FILIP1L: variants seen among roughly 807,000 people sequenced by gnomAD.
The protein encoded by FILIP1L is filamin A-interacting protein 1-like.
FILIP1L carries 55 observed loss-of-function variants against 96.6 expected under a neutral mutation model. That is an observed-to-expected ratio of 0.57 (90% CI 0.46 to 0.71). FILIP1L has a LOEUF of 0.71. Among genes scored for constraint, FILIP1L ranks in the 30% least tolerant of loss-of-function variants. FILIP1L has a pLI of 0.00. For missense variants in FILIP1L, 1,304 were observed against 1,321.2 expected (o/e 0.99, Z 0.20); for synonymous variants, 467 against 473.9 (o/e 0.99, Z 0.19).
chr3:100,058,931 C>A (rs1033104130), intron 1 of FILIP1L, among the ~76,000 whole-genome samples: 2 of 152,184 alleles, frequency 1.3e-5, no homozygotes, highest in Non-Finnish European at 2.9e-5. Flanking sequence ...AGCAAAGGGG[C>A]AGTTTGGACA....
intron 1 of FILIP1L, among the ~76,000 whole-genome samples, chr3:100,058,745 G>T (rs144146179): frequency 6.6e-6 from 1 of 152,328 alleles, no homozygotes; most frequent in African/African-American, 2.4e-5. Flanking sequence ...AGGCTTTTCA[G>T]TAGAAGGAGG....
rs1415024458 is a variant in FILIP1L at position 100,002,155 on chromosome 3, T to A, written c.-10-71125A>T. Among the ~76,000 whole-genome samples the A allele has an allele frequency of 7.2e-5, 11 of 152,350 alleles. No individual in the cohort carries two copies. In the East Asian group the frequency reaches 1.9e-3, roughly 27 times the overall value. ...CTCCTGTACAGACCTGTGTCTCTAATGAATTCTTCTTTATTTGGAGCTGAT... is the reference window on the plus strand; with the variant it reads ...CTCCTGTACAGACCTGTGTCTCTAAAGAATTCTTCTTTATTTGGAGCTGAT... On this transcript the variant is annotated intron_variant, in intron 1 of 5. Coordinates refer to ENST00000477258, the MANE Select transcript of FILIP1L (RefSeq NM_001387850.1).
At chr3:100,059,251 C>G (rs2065518181) in intron 1 of FILIP1L, among the ~76,000 whole-genome samples, 1 of 152,178 alleles carries the variant, frequency 6.6e-6, no homozygotes, top group African/African-American at 2.4e-5. Flanking sequence ...AATACAATGC[C>G]TCTTAATTTT....
intron 1 of FILIP1L, among the ~76,000 whole-genome samples, chr3:100,100,166 A>C (rs1486611053): frequency 2.6e-5 from 4 of 152,060 alleles, no homozygotes; most frequent in Non-Finnish European, 4.4e-5. Flanking sequence ...CAATGCTGCC[A>C]CTCAGATTTT....
rs756746071 is a variant in FILIP1L at position 99,849,331 on chromosome 3, C to T, written c.2345G>A (p.Arg782Lys). 1 of 1,614,126 alleles carries T rather than the reference C, an allele frequency of 6.2e-7. No individual in the cohort carries two copies. Among genetic ancestry groups the T allele is most frequent in the South Asian group, 1.1e-5 (1 of 91,084 alleles). ...AATTCTTCTTCCATTGAGACTAGGC[C>T]TGAGGCTCTTACTGAAATGCCGGTA... Reference protein sequence around the residue: ...ERYRHFSKSLRPSLNGRRISD... With the variant: ...ERYRHFSKSLKPSLNGRRISD... The change falls in exon 5 of 6, where the codon AGG becomes AAG. Residue 782 changes from arginine (R) to lysine (K), a missense_variant. Physicochemically the swap from Arg to Lys is conservative, Grantham distance 26. Coordinates refer to ENST00000477258, the MANE Select transcript of FILIP1L (RefSeq NM_001387850.1).
intron 1 of FILIP1L, among the ~76,000 whole-genome samples, chr3:100,046,985 T>G (rs990660354): frequency 1.4e-4 from 22 of 152,190 alleles, no homozygotes; most frequent in African/African-American, 5.3e-4. Flanking sequence ...GTTATTTAAG[T>G]AAATATAATA....
At chr3:99,860,185 G>C (rs1576521803) in intron 4 of FILIP1L, among the ~76,000 whole-genome samples, 1 of 152,164 alleles carries the variant, frequency 6.6e-6, no homozygotes, top group East Asian at 1.9e-4. Context: ...CCTTCATTGT[G>C]AAATAAGAAT....
intron 1 of FILIP1L, among the ~76,000 whole-genome samples, chr3:99,983,163 T>C (rs1187838731): frequency 1.3e-5 from 2 of 151,818 alleles, no homozygotes; most frequent in South Asian, 2.1e-4. Context: ...TGAAAAAAAA[T>C]TTCTCAGGGA....
intron 1 of FILIP1L, among the ~76,000 whole-genome samples, chr3:100,076,073 G>A (rs1308321299): frequency 1.3e-5 from 2 of 152,242 alleles, no homozygotes; most frequent in African/African-American, 2.4e-5. Flanking sequence ...TTTGGGCAGG[G>A]CTGATGCTTC....
At chr3:99,987,331 C>T (rs2107117476) in intron 1 of FILIP1L, among the ~76,000 whole-genome samples, 1 of 151,656 alleles carries the variant, frequency 6.6e-6, no homozygotes, top group East Asian at 1.9e-4. Flanking sequence ...GAGTTCAAGA[C>T]CAGCTTGGGC....
At position 99,923,467 on chromosome 3, in the gene FILIP1L, C is replaced by A. The variant is rs1229367158; in HGVS notation, c.605+763G>T. Among the ~76,000 whole-genome samples the A allele has an allele frequency of 2.0e-5, 3 of 152,176 alleles. No homozygotes were observed. The South Asian group carries it at 6.2e-4, about 32-fold the overall frequency. Reference sequence around the variant, plus strand: ...CCATATTTCATATGTTCCTGAATAGCCAGGAGTGCTTCTCAGTAACTCCTT... The same window carrying A: ...CCATATTTCATATGTTCCTGAATAGACAGGAGTGCTTCTCAGTAACTCCTT... On this transcript the variant is annotated intron_variant, in intron 4 of 5. Transcript: ENST00000477258.
In FILIP1L at chr3:99,850,708, A is replaced by C. The variant is rs768082494; in HGVS notation, c.968T>G (p.Leu323Arg). 1 of 1,614,148 alleles carries C rather than the reference A, an allele frequency of 6.2e-7. No individual in the cohort carries two copies. The highest frequency in any genetic ancestry group is 8.5e-7 in the Non-Finnish European group (1 of 1,180,014). Reference sequence around the variant, plus strand: ...GCTGAGTGCTGCCAGCTTTTGTTGAAGCTGGCGATTTTGACTGTCCTCATT... The same window carrying C: ...GCTGAGTGCTGCCAGCTTTTGTTGACGCTGGCGATTTTGACTGTCCTCATT... ...LTNEDSQNRQ[L>R]QQKLAALSRQ... The change falls in exon 5 of 6, where the codon CTT becomes CGT. Residue 323 changes from leucine to arginine, a missense_variant. Leu to Arg is a moderately radical substitution (Grantham distance 102). Transcript: ENST00000477258.
chr3:100,012,486 A>T (rs4928237), intron 1 of FILIP1L, among the ~76,000 whole-genome samples: 88,195 of 151,910 alleles, frequency 0.58, 25,780 homozygotes, highest in East Asian at 0.73. Context: ...GGAAATCAAG[A>T]GCCTTAAGGA....
chr3:100,094,947 C>G (rs2066178547), intron 1 of FILIP1L, among the ~76,000 whole-genome samples: 1 of 152,082 alleles, frequency 6.6e-6, no homozygotes, highest in African/African-American at 2.4e-5. Context: ...CTCGGCCTCC[C>G]AAAGTGCTGG....
intron 1 of FILIP1L, among the ~76,000 whole-genome samples, chr3:100,077,909 A>G (rs143901536): frequency 1.4e-4 from 22 of 152,190 alleles, no homozygotes; most frequent in African/African-American, 5.3e-4. Context: ...CCCTGTCTCA[A>G]AAAAAATAAG....
intron 1 of FILIP1L, among the ~76,000 whole-genome samples, chr3:99,934,406 G>A (rs566235444): frequency 1.3e-5 from 2 of 152,260 alleles, no homozygotes; most frequent in African/African-American, 4.8e-5. Context: ...TTCATTTCCT[G>A]GAAGTACATA....
intron 1 of FILIP1L, among the ~76,000 whole-genome samples, chr3:99,987,947 A>G (rs1284284053): frequency 2.0e-5 from 3 of 152,186 alleles, no homozygotes; most frequent in Admixed American, 6.5e-5. Flanking sequence ...TGTTGAGGAT[A>G]CTGTTCTTCC....
intron 1 of FILIP1L, among the ~76,000 whole-genome samples, chr3:100,072,835 G>A (rs1164362000): frequency 6.6e-6 from 1 of 152,098 alleles, no homozygotes; most frequent in East Asian, 1.9e-4. Flanking sequence ...TTCAATACAA[G>A]AAATAATCCT....
At chr3:100,056,701 T>TAAA (rs71299385) in intron 1 of FILIP1L, among the ~76,000 whole-genome samples, 11 of 145,474 alleles carry the variant, frequency 7.6e-5, no homozygotes, top group Admixed American at 7.5e-4. Flanking sequence ...TCTAGACCAT[T>TAAA]AAAAAAAAAA....
Sources: gnomAD v4.1 joint callset for allele counts (sites outside exome capture counted in the v4.1 genomes callset) on GRCh38, gnomAD v4.1.1 for gene constraint, MANE v1.5 for transcripts, NCBI Gene and HGNC (gene_info 2026-07-23, HGNC 2026-07-21) for gene names.